SNX5: variants seen among roughly 807,000 people sequenced by gnomAD.
SNX5 encodes sorting nexin 5.
Under a neutral mutation model 53.9 loss-of-function variants are expected in SNX5, and 31 were observed. The observed-to-expected ratio is 0.58, with a 90% CI of 0.43 to 0.78. The LOEUF is 0.78. Ranked by LOEUF, SNX5 falls within the 30% of genes least tolerant of loss-of-function variation. The pLI is 0.00. For missense variants in SNX5, 471 were observed against 478.8 expected, an observed-to-expected ratio of 0.98 and a Z score of 0.15; for synonymous variants, 168 against 171.1, an observed-to-expected ratio of 0.98 and a Z score of 0.14.
chr20:17,953,971 G>A (rs1418692955), intron 4 of SNX5, 25 bp downstream of exon 4: 4 of 1,589,860 alleles, frequency 2.5e-6, no homozygotes, highest in East Asian at 4.5e-5. Flanking sequence ...TCAAAAGACA[G>A]AGCCCACCAG....
chr20:17,967,779 T>C lies in SNX5; in HGVS notation c.51+596A>G, dbSNP rs1164050849. 5 of 313,006 alleles carry C rather than the reference T, an allele frequency of 1.6e-5. No individual in the cohort carries two copies. The East Asian group carries it at 2.6e-4, about 16-fold the overall frequency. The allele number at this position is 313,006 out of a possible 1,614,324, so 19.4% of individuals were successfully genotyped here. ...ACACGTGACCTAGGGACAGTTTACA[T>C]CAATGGGCAAGACTTAAAAATAGAC... On this transcript the variant is annotated intron_variant, in intron 1 of 12. Transcript: ENST00000377759.
rs148091592 is a variant in SNX5, at chr20:17,957,130, T to C, written c.52-93A>G. On this transcript the variant is annotated intron_variant, in intron 1 of 12. Coordinates refer to ENST00000377759, the MANE Select transcript of SNX5 (RefSeq NM_014426.4). The stretch of plus-strand genomic sequence containing the variant: ...TAGTTACTAAAAAGCAGTTTATACA[T>C]AGATCATTTAGAAATGTCAGTTGAG... 5.1e-5 allele frequency: 39 copies of C among 765,986 alleles called. No homozygotes were observed. In the East Asian group the frequency reaches 9.0e-4, roughly 18 times the overall value. The allele number at this position is 765,986 out of a possible 1,614,324, so 47.4% of individuals were successfully genotyped here. A position where few individuals can be genotyped will look rare whatever the true frequency, so the allele number is the denominator to read the frequency against.
chr20:17,952,746 C>T, intron 4 of SNX5, 36 bp from the exon 5 acceptor site: 1 of 1,607,280 alleles, frequency 6.2e-7, no homozygotes, highest in Non-Finnish European at 8.5e-7. Flanking sequence ...TCAGTTGACA[C>T]AGCTCAACTA....
At chr20:17,951,319 C>A (rs969366100) in intron 6 of SNX5, 181 bp downstream of exon 6, 4 of 586,528 alleles carry the variant, frequency 6.8e-6, no homozygotes, top group African/African-American at 3.8e-5. Context: ...TGGGACAGAA[C>A]AAGGTGCTCT....
At chr20:17,967,534 T>C (rs2035567169) in intron 1 of SNX5, among the ~76,000 whole-genome samples, 1 of 152,200 alleles carries the variant, frequency 6.6e-6, no homozygotes, top group Non-Finnish European at 1.5e-5. Context: ...GGCTCCAAAT[T>C]ACATTTTAAG....
In SNX5 at chr20:17,951,514, A is replaced by G. The variant is rs749367679; in HGVS notation, c.595T>C (p.Phe199Leu). Residue 199 changes from phenylalanine to leucine, a missense_variant, in exon 6 of 13, where the codon TTT becomes CTT. Transcript: ENST00000377759. ...SVVKSADEVLFTGVKEVDDFF... is the reference protein window; with the variant it reads ...SVVKSADEVLLTGVKEVDDFF... ...AGGTCACTTACCTTAACTCCAGTAAAAAGGACTTCATCAGCACTTTTCACC... is the reference window on the plus strand; with the variant it reads ...AGGTCACTTACCTTAACTCCAGTAAGAAGGACTTCATCAGCACTTTTCACC... 1.2e-6 allele frequency: 2 copies of G among 1,611,232 alleles called. No homozygotes were observed. Among genetic ancestry groups the G allele is most frequent in the Non-Finnish European group, 8.5e-7 (1 of 1,179,068 alleles).
chr20:17,962,578 T>C (rs752028361), intron 1 of SNX5: 12 of 342,706 alleles, frequency 3.5e-5, no homozygotes, highest in Non-Finnish European at 5.1e-5. Flanking sequence ...AGGCCTGCAA[T>C]ATAATTTCTT....
intron 11 of SNX5, chr20:17,945,563 T>C (rs374123650): frequency 1.1e-4 from 16 of 151,916 alleles, no homozygotes; most frequent in African/African-American, 3.6e-4. Context: ...AACTGGCCTA[T>C]AAGATTTCAA....
At position 17,951,591 on chromosome 20, in the gene SNX5, C is replaced by A; in HGVS notation, c.518G>T (p.Ser173Ile). Reference protein sequence around the residue: ...HVFLEYDQDLSVRRKNTKEMF... With the variant: ...HVFLEYDQDLIVRRKNTKEMF... ...CTCTTTAGTATTTTTCCGCCTAACA[C>A]TTAGCTAAAAGAAGAAAATTCCAAA... is the stretch of plus-strand genomic sequence containing the variant. Residue 173 changes from serine to isoleucine, a missense_variant, in exon 6 of 13, where the codon AGT (serine) becomes ATT (isoleucine). Coordinates refer to ENST00000377759, the MANE Select transcript of SNX5 (RefSeq NM_014426.4). The A allele has an allele frequency of 6.2e-7, 1 of 1,606,796 alleles. No homozygotes were observed. The highest frequency in any genetic ancestry group is 8.5e-7 in the Non-Finnish European group (1 of 1,173,892).
intron 6 of SNX5, chr20:17,951,211 G>C (rs958858183): frequency 1.2e-5 from 4 of 337,946 alleles, no homozygotes; most frequent in African/African-American, 6.2e-5. Context: ...ATAAAATACT[G>C]ATCTTGTACT....
chr20:17,968,440 C>A lies in SNX5; in HGVS notation c.-15G>T, dbSNP rs2035607524. On this transcript the variant is annotated 5_prime_UTR_variant, in exon 1 of 13. Transcript: ENST00000377759. ...ACCGCGGCCATGGCGACGCGGGACT[C>A]GAGCAGGGGCCGCCTGGCTGTGCGA... 3.9e-6 allele frequency: 5 copies of A among 1,287,194 alleles called. No individual in the cohort carries two copies. The highest frequency in any genetic ancestry group is 4.9e-6 in the Non-Finnish European group (5 of 1,014,522). The allele number at this position is 1,287,194 out of a possible 1,614,324, so 79.7% of individuals were successfully genotyped here. A position where few individuals can be genotyped will look rare whatever the true frequency, so the allele number is the denominator to read the frequency against.
Position 17,955,448 on chromosome 20 carries a change from C to G in SNX5, c.184G>C (p.Glu62Gln). The G allele has an allele frequency of 6.2e-7, 1 of 1,614,122 alleles. No individual in the cohort carries two copies. Among genetic ancestry groups the G allele is most frequent in the Non-Finnish European group, 8.5e-7 (1 of 1,179,998 alleles). ...TCATGTTGCCTTGTAACAGAAAACT[C>G]TGGGCTCTGAAACGTGGGCAGTGTG... ...KTTLPTFQSP[E>Q]FSVTRQHEDF... The change falls in exon 3 of 13, where the codon GAG (glutamate) becomes CAG (glutamine). Residue 62 changes from glutamate to glutamine, a missense_variant. By Grantham distance (29) the Glu-to-Gln change is conservative. Coordinates refer to ENST00000377759, the MANE Select transcript of SNX5 (RefSeq NM_014426.4).
intron 1 of SNX5, among the ~76,000 whole-genome samples, chr20:17,966,498 C>G (rs1437749702): frequency 1.3e-5 from 2 of 152,220 alleles, no homozygotes; most frequent in Non-Finnish European, 2.9e-5. Context: ...CCCCAACACC[C>G]TCGGCTAAAG....
chr20:17,968,433 C>T lies in SNX5; in HGVS notation c.-8G>A. 7.8e-7 allele frequency: 1 copy of T among 1,286,756 alleles called. No homozygotes were observed. The highest frequency in any genetic ancestry group is 9.9e-7 in the Non-Finnish European group (1 of 1,014,046). The allele number at this position is 1,286,756 out of a possible 1,614,324, so 79.7% of individuals were successfully genotyped here. A position where few individuals can be genotyped will look rare whatever the true frequency, so the allele number is the denominator to read the frequency against. ...CTCGGGAACCGCGGCCATGGCGACG[C>T]GGGACTCGAGCAGGGGCCGCCTGGC... On this transcript the variant is annotated 5_prime_UTR_variant, in exon 1 of 13. Coordinates refer to ENST00000377759, the MANE Select transcript of SNX5 (RefSeq NM_014426.4).
At position 17,942,162 on chromosome 20, in the gene SNX5, G is replaced by T. The variant is rs1182671331; in HGVS notation, c.*195C>A. ...GTATTAAATGCACAAGGAAAAATTA[G>T]TTATGTCCAAGTAGCAAGCAATAAT... On this transcript the variant is annotated 3_prime_UTR_variant, in exon 13 of 13. Coordinates refer to ENST00000377759, the MANE Select transcript of SNX5 (RefSeq NM_014426.4). The T allele has an allele frequency of 1.2e-5, 7 of 566,218 alleles. No individual in the cohort carries two copies. Among genetic ancestry groups the T allele is most frequent in the Non-Finnish European group, 2.2e-5 (7 of 317,132 alleles). The allele number at this position is 566,218 out of a possible 1,614,324, so 35.1% of individuals were successfully genotyped here.
At chr20:17,958,385 A>T (rs995039893) in intron 1 of SNX5, among the ~76,000 whole-genome samples, 1 of 152,254 alleles carries the variant, frequency 6.6e-6, no homozygotes, top group African/African-American at 2.4e-5. Flanking sequence ...AATCAGCTAT[A>T]AAAAGACTAA....
At chr20:17,967,368 AC>A (rs1463827128) in intron 1 of SNX5, among the ~76,000 whole-genome samples, 1 of 151,760 alleles carries the variant, frequency 6.6e-6, no homozygotes, top group Non-Finnish European at 1.5e-5. Flanking sequence ...TCTAAACAAC[AC>A]CCTCCTGTAT....
At chr20:17,965,017 TA>T (rs2035515657) in intron 1 of SNX5, among the ~76,000 whole-genome samples, 2 of 152,186 alleles carry the variant, frequency 1.3e-5, no homozygotes, top group African/African-American at 2.4e-5. Flanking sequence ...CTCACAAAGA[TA>T]TCCAACAATG....
chr20:17,962,537 C>T (rs2035474039), intron 1 of SNX5, among the ~76,000 whole-genome samples: 1 of 149,916 alleles, frequency 6.7e-6, no homozygotes, highest in Non-Finnish European at 1.5e-5. Flanking sequence ...CTCTCATTCC[C>T]TAGCCATTGG....
Sources: gnomAD v4.1 joint callset for allele counts (sites outside exome capture counted in the v4.1 genomes callset) on GRCh38, gnomAD v4.1.1 for gene constraint, MANE v1.5 for transcripts, NCBI Gene and HGNC (gene_info 2026-07-23, HGNC 2026-07-21) for gene names.